The following MGAT5B variants were observed in gnomAD, a reference collection of about 807,000 sequenced individuals.
MGAT5B encodes N-acetylglucosaminyl-transferase Vb.
Under a neutral mutation model 95.1 loss-of-function variants are expected in MGAT5B, and 54 were observed. The observed-to-expected ratio is 0.57, with a 90% CI of 0.46 to 0.71. The LOEUF is 0.71. Ranked by LOEUF, MGAT5B falls within the 30% of genes least tolerant of loss-of-function variation. The pLI, the probability that MGAT5B is intolerant of heterozygous loss-of-function variation, is 0.00. For synonymous variants in MGAT5B, 464 were observed against 451.0 expected (o/e 1.03, Z -0.36); for missense variants, 935 against 1,088.6 (o/e 0.86, Z 1.99).
chr17:76,899,859 T>C (rs1968242154), intron 3 of MGAT5B, among the ~76,000 whole-genome samples: 1 of 151,956 alleles, frequency 6.6e-6, no homozygotes, highest in Non-Finnish European at 1.5e-5. Context: ...AGAACACTGG[T>C]TCTTGAAACA....
intron 3 of MGAT5B, among the ~76,000 whole-genome samples, chr17:76,883,768 G>A (rs1019501231): frequency 8.5e-5 from 13 of 152,264 alleles, no homozygotes; most frequent in South Asian, 2.1e-4. Flanking sequence ...CTCAGCCAGC[G>A]TGTGTGATGG....
chr17:76,869,980 G>A lies in MGAT5B; in HGVS notation c.68+883G>A, dbSNP rs1328284890. Among the ~76,000 whole-genome samples the A allele has an allele frequency of 6.6e-6, 1 of 152,194 alleles. No individual in the cohort carries two copies. Among genetic ancestry groups the A allele is most frequent in the East Asian group, 1.9e-4 (1 of 5,188 alleles). ...GCGCTGCCCAGTGGACGCCCGGCGG[G>A]GCCCGAGTGTCACCCCGTGGGTAGC... On this transcript the variant is annotated intron_variant, in intron 1 of 17. Coordinates refer to ENST00000569840, the MANE Select transcript of MGAT5B (RefSeq NM_001199172.2). This position sits in a 1 kb window ranked among gnomAD's most constrained non-coding sequence, Gnocchi z 7.0.
At position 76,905,061 on chromosome 17, in the gene MGAT5B, A is replaced by G; in HGVS notation, c.691-108A>G. On this transcript the variant is annotated intron_variant, in intron 6 of 17. Coordinates refer to ENST00000569840, the MANE Select transcript of MGAT5B (RefSeq NM_001199172.2). This position sits in a 1 kb window ranked among gnomAD's most constrained non-coding sequence, Gnocchi z 4.2. The stretch of plus-strand genomic sequence containing the variant: ...CCTTAGAAAGTGCAGGAGAAGCTGG[A>G]GCAGGCCCCAGCCTCATGGGAGGGT... 1 of 1,217,374 alleles carries G rather than the reference A, an allele frequency of 8.2e-7. No homozygotes were observed. Among genetic ancestry groups the G allele is most frequent in the Non-Finnish European group, 1.1e-6 (1 of 889,382 alleles). The allele number at this position is 1,217,374 out of a possible 1,614,324, so 75.4% of individuals were successfully genotyped here.
At chr17:76,909,887 G>A (rs1968668909) in intron 8 of MGAT5B, among the ~76,000 whole-genome samples, 1 of 152,198 alleles carries the variant, frequency 6.6e-6, no homozygotes, top group Non-Finnish European at 1.5e-5. Flanking sequence ...GCTTAGTAAA[G>A]AAAAAGTGTC....
In MGAT5B at chr17:76,915,400, G is replaced by A. The variant is rs1030145546; in HGVS notation, c.1025+9213G>A. On this transcript the variant is annotated intron_variant, in intron 8 of 17. Coordinates refer to ENST00000569840, the MANE Select transcript of MGAT5B (RefSeq NM_001199172.2). The surrounding 1 kb of genome is among the most constrained non-coding windows in gnomAD (Gnocchi z 8.7). ...CGGTTTCTATTTTATCTTCGATGCCGGAGGGGAGAGCATTTCCCACAAGCC... is the reference window on the plus strand; with the variant it reads ...CGGTTTCTATTTTATCTTCGATGCCAGAGGGGAGAGCATTTCCCACAAGCC... Among the ~76,000 whole-genome samples the A allele has an allele frequency of 6.6e-6, 1 of 152,096 alleles. No homozygotes were observed. Among genetic ancestry groups the A allele is most frequent in the African/African-American group, 2.4e-5 (1 of 41,400 alleles).
chr17:76,948,591 C>T (rs1266486397), intron 17 of MGAT5B, 49 bp from the exon 18 acceptor site: 1 of 1,559,792 alleles, frequency 6.4e-7, no homozygotes, highest in Non-Finnish European at 8.7e-7. Context: ...CCCAGCCCTT[C>T]TGCCCAAGTG....
chr17:76,920,068 G>A (rs1232423643), intron 8 of MGAT5B, among the ~76,000 whole-genome samples: 1 of 152,090 alleles, frequency 6.6e-6, no homozygotes, highest in Non-Finnish European at 1.5e-5. Flanking sequence ...TATTCATCTG[G>A]CCTGGGGACA....
intron 3 of MGAT5B, among the ~76,000 whole-genome samples, chr17:76,883,624 T>A (rs1681558387): frequency 6.6e-6 from 1 of 152,210 alleles, no homozygotes; most frequent in South Asian, 2.1e-4. Context: ...CCCCACCCTA[T>A]TCCAGGGAGA....
rs1455746197 is a variant in MGAT5B, at chr17:76,906,316, G to A, written c.1025+129G>A. 18 of 827,910 alleles carry A rather than the reference G, an allele frequency of 2.2e-5. No homozygotes were observed. The highest frequency in any genetic ancestry group is 1.1e-4 in the South Asian group (6 of 54,248). 51.3% of individuals were successfully genotyped at this position (827,910 alleles called of 1,614,324 possible). A position where few individuals can be genotyped will look rare whatever the true frequency, so the allele number is the denominator to read the frequency against. ...CAGGTCCCACGGCCCTGAGACCCTG[G>A]GAGACATCCTGGTGTTCCGCAGGAC... is the stretch of plus-strand genomic sequence containing the variant. On this transcript the variant is annotated intron_variant, in intron 8 of 17. Coordinates refer to ENST00000569840, the MANE Select transcript of MGAT5B (RefSeq NM_001199172.2). The surrounding 1 kb of genome is among the most constrained non-coding windows in gnomAD (Gnocchi z 4.6).
intron 2 of MGAT5B, among the ~76,000 whole-genome samples, chr17:76,878,827 C>T (rs918024182): frequency 6.6e-6 from 1 of 152,138 alleles, no homozygotes; most frequent in Non-Finnish European, 1.5e-5. Flanking sequence ...CTCTAATCTC[C>T]GGAGGCAATT....
chr17:76,940,452 C>A lies in MGAT5B; in HGVS notation c.1635C>A (p.Ala545=). 1 of 1,613,942 alleles carries A rather than the reference C, an allele frequency of 6.2e-7. No homozygotes were observed. The highest frequency in any genetic ancestry group is 1.3e-5 in the African/African-American group (1 of 75,046). ...ACGAGGGCCCCGCCCCCCTGGAGGC[C>A]ATCGCCAATGGTTGCATCTTCCTGC... is the stretch of plus-strand genomic sequence containing the variant. The part of the protein sequence containing the change: ...FPYEGPAPLE[A]IANGCIFLQS... The change falls in exon 14 of 18, where the codon GCC becomes GCA. Residue 545 remains alanine, a synonymous_variant. Transcript: ENST00000569840. The surrounding 1 kb of genome is among the most constrained non-coding windows in gnomAD (Gnocchi z 4.3).
chr17:76,943,034 G>GCCCCCCCCCC (rs201279890), intron 15 of MGAT5B, among the ~76,000 whole-genome samples: 1 of 129,398 alleles, frequency 7.7e-6, no homozygotes, highest in African/African-American at 2.9e-5. Context: ...GGGATAACTT[G>GCCCCCCCCCC]CCCCCCCGGG....
In MGAT5B at chr17:76,940,178, CTG is replaced by C; in HGVS notation, c.1585-223_1585-222del. 6.6e-6 allele frequency among the ~76,000 whole-genome samples: 1 copy of C among 152,312 alleles called. No homozygotes were observed. The highest frequency in any genetic ancestry group is 1.9e-4 in the East Asian group (1 of 5,190). ...CCCCCTTATTTCACAAATGGGGAAA[CTG>C]AGGCCCAGAGAGGGGAAGTGCTTGC... On this transcript the variant is annotated intron_variant, in intron 13 of 17. Coordinates refer to ENST00000569840, the MANE Select transcript of MGAT5B (RefSeq NM_001199172.2). This position sits in a 1 kb window ranked among gnomAD's most constrained non-coding sequence, Gnocchi z 4.3.
chr17:76,876,805 C>G (rs1967208987), intron 2 of MGAT5B, among the ~76,000 whole-genome samples: 1 of 152,172 alleles, frequency 6.6e-6, no homozygotes, highest in Non-Finnish European at 1.5e-5. Context: ...GAATCATGAC[C>G]CGGAGGAGAT....
At chr17:76,887,481 CCCTCCCTCCCTCCCTT>C (rs1967688970) in intron 3 of MGAT5B, among the ~76,000 whole-genome samples, 1 of 91,962 alleles carries the variant, frequency 1.1e-5, no homozygotes, top group African/African-American at 4.8e-5. Flanking sequence ...CTTCCTCCCT[CCCTCCCTCCCTCCCTT>C]CCTCTCTCCC....
Position 76,915,037 on chromosome 17 carries a change from A to C in MGAT5B, c.1025+8850A>C, listed in dbSNP as rs948275237. Among the ~76,000 whole-genome samples, 1 of 152,128 alleles carries C rather than the reference A, an allele frequency of 6.6e-6. No individual in the cohort carries two copies. Among genetic ancestry groups the C allele is most frequent in the Non-Finnish European group, 1.5e-5 (1 of 68,016 alleles). On this transcript the variant is annotated intron_variant, in intron 8 of 17. Coordinates refer to ENST00000569840, the MANE Select transcript of MGAT5B (RefSeq NM_001199172.2). The surrounding 1 kb of genome is among the most constrained non-coding windows in gnomAD (Gnocchi z 8.7). ...TACCTCTGCAAAGACCCTTTTTCCA[A>C]ACAAAGTCACATTCACAGGTACGGG... is the stretch of plus-strand genomic sequence containing the variant.
intron 8 of MGAT5B, among the ~76,000 whole-genome samples, chr17:76,907,814 G>A (rs1968585343): frequency 6.6e-6 from 1 of 152,218 alleles, no homozygotes; most frequent in South Asian, 2.1e-4. Context: ...CCAATTCAGA[G>A]ACTCACCAGT....
In MGAT5B at chr17:76,906,211, G is replaced by T. The variant is rs760791816; in HGVS notation, c.1025+24G>T. ...AGGTGAGTGCTGGGGAAAGCCACTG[G>T]CATTAAGTGGGGCAGGGAGGGGATG... On this transcript the variant is annotated intron_variant, in intron 8 of 17. Coordinates refer to ENST00000569840, the MANE Select transcript of MGAT5B (RefSeq NM_001199172.2). The surrounding 1 kb of genome is among the most constrained non-coding windows in gnomAD (Gnocchi z 4.6). The T allele has an allele frequency of 6.3e-7, 1 of 1,579,232 alleles. No homozygotes were observed. Among genetic ancestry groups the T allele is most frequent in the Non-Finnish European group, 8.6e-7 (1 of 1,167,466 alleles).
rs376994595 is a variant in MGAT5B, at chr17:76,905,672, TTCCC to T, written c.856-330_856-327del. Among the ~76,000 whole-genome samples, 125 of 152,152 alleles carry T rather than the reference TTCCC, an allele frequency of 8.2e-4. No homozygotes were observed. The highest frequency in any genetic ancestry group is 2.8e-3 in the African/African-American group (117 of 41,528). ...CCTCCATTCTTCCTTCCCTCCTTCCTTCCCTCCCTCCCTCCCTCCACCCAGTAGA... is the reference window on the plus strand; with the variant it reads ...CCTCCATTCTTCCTTCCCTCCTTCCTTCCCTCCCTCCCTCCACCCAGTAGA... On this transcript the variant is annotated intron_variant, in intron 7 of 17. Transcript: ENST00000569840. The surrounding 1 kb of genome is among the most constrained non-coding windows in gnomAD (Gnocchi z 4.2).
Sources: allele counts gnomAD v4.1 joint callset (sites outside exome capture counted in the v4.1 genomes callset), GRCh38; gene constraint gnomAD v4.1.1; non-coding constraint Gnocchi (gnomAD v3.1); transcripts MANE v1.5; gene names NCBI Gene and HGNC (gene_info 2026-07-23, HGNC 2026-07-21).